Variants in RIMS1 observed in about 807,000 individuals in gnomAD.
The protein encoded by RIMS1 is regulating synaptic membrane exocytosis 1, also known as regulating synaptic membrane exocytosis protein 1.
In RIMS1, 83 loss-of-function variants were observed where a neutral mutation model predicts 214.1. The observed-to-expected ratio is 0.39, with a 90% CI of 0.32 to 0.47. The LOEUF (loss-of-function observed/expected upper bound fraction) is 0.47, where lower values mean the gene tolerates loss of function less well. Ranked by LOEUF, RIMS1 falls within the 20% of genes least tolerant of loss-of-function variation. The probability of loss-of-function intolerance (pLI) is 0.99; values close to 1 mark genes in which losing one functional copy is unlikely to be tolerated. For missense variants in RIMS1, 2,050 were observed against 2,161.8 expected, an observed-to-expected ratio of 0.95 and a Z score of 1.03; for synonymous variants, 793 against 786.8, an observed-to-expected ratio of 1.01 and a Z score of -0.13.
intron 4 of RIMS1, among the ~76,000 whole-genome samples, chr6:72,163,887 G>A (rs528075150): frequency 7.2e-5 from 11 of 152,228 alleles, no homozygotes; most frequent in South Asian, 2.1e-4. Context: ...CTCCAGCTGC[G>A]TGCTGGGAGA....
chr6:71,958,074 TA>T (rs1272327220), intron 1 of RIMS1, among the ~76,000 whole-genome samples: 1 of 152,124 alleles, frequency 6.6e-6, no homozygotes, highest in African/African-American at 2.4e-5. Context: ...TCAAATGAGT[TA>T]ATGCATATAA....
At chr6:72,199,338 A>C (rs752394301) in intron 6 of RIMS1, among the ~76,000 whole-genome samples, 1 of 152,098 alleles carries the variant, frequency 6.6e-6, no homozygotes, top group Admixed American at 6.6e-5. Context: ...ACTTAACTAC[A>C]TTTTTCTCTG....
At chr6:72,093,228 A>ATATATATATATATATATATATATAT (rs200655727) in intron 2 of RIMS1, among the ~76,000 whole-genome samples, 2,845 of 136,286 alleles carry the variant, frequency 0.021, 184 homozygotes, top group Non-Finnish European at 0.027. Context: ...ATATATATAT[A>ATATATATATATATATATATATATAT]AAAACATGTG....
chr6:72,171,824 ACT>A (rs2047076004), intron 4 of RIMS1, among the ~76,000 whole-genome samples: 2 of 152,108 alleles, frequency 1.3e-5, no homozygotes, highest in African/African-American at 2.4e-5. Context: ...TAGTTCCCTA[ACT>A]CTTGTTATAC....
chr6:72,337,796 T>C (rs1227623226), intron 29 of RIMS1, among the ~76,000 whole-genome samples: 2 of 140,036 alleles, frequency 1.4e-5, no homozygotes, highest in Admixed American at 7.8e-5. Context: ...TTTGTCCACG[T>C]GTTCTCATTG....
At chr6:72,320,314 G>A (rs1449421746) in intron 28 of RIMS1, among the ~76,000 whole-genome samples, 1 of 152,114 alleles carries the variant, frequency 6.6e-6, no homozygotes, top group East Asian at 1.9e-4. Context: ...TAGACTGCAG[G>A]ACTTCAGCAA....
At chr6:72,186,435 C>T (rs1190283016) in intron 6 of RIMS1, among the ~76,000 whole-genome samples, 9 of 152,134 alleles carry the variant, frequency 5.9e-5, no homozygotes, top group Admixed American at 1.3e-4. Flanking sequence ...GCCTGGTGCT[C>T]GAGAATGATT....
chr6:72,173,532 A>T (rs987973682), intron 4 of RIMS1, among the ~76,000 whole-genome samples: 1 of 151,626 alleles, frequency 6.6e-6, no homozygotes, highest in Non-Finnish European at 1.5e-5. Context: ...TTTTTCATAC[A>T]TCCTTTCTTT....
intron 6 of RIMS1, among the ~76,000 whole-genome samples, chr6:72,200,857 T>TTGTGTGTGTGTGTGTGTGTG (rs70994114): frequency 6.8e-6 from 1 of 146,156 alleles, no homozygotes; most frequent in Non-Finnish European, 1.5e-5. Context: ...AAGGACACAA[T>TTGTGTGTGTGTGTGTGTGTG]TGTGTGTGTG....
intron 1 of RIMS1, among the ~76,000 whole-genome samples, chr6:71,925,018 T>C (rs957706919): frequency 6.6e-6 from 1 of 152,148 alleles, no homozygotes; most frequent in South Asian, 2.1e-4. Context: ...TAGTACCTAG[T>C]AGGTGGTGAA....
intron 2 of RIMS1, among the ~76,000 whole-genome samples, chr6:71,983,793 C>A (rs1044393978): frequency 1.1e-4 from 16 of 152,128 alleles, no homozygotes; most frequent in Admixed American, 1.3e-4. Context: ...ATTTTAAGTA[C>A]AAATATGAAG....
chr6:72,110,040 T>G (rs1275770808), intron 4 of RIMS1, among the ~76,000 whole-genome samples: 1 of 152,176 alleles, frequency 6.6e-6, no homozygotes, highest in African/African-American at 2.4e-5. Flanking sequence ...CTGAGGGCTC[T>G]GTTCTGTTCC....
intron 1 of RIMS1, among the ~76,000 whole-genome samples, chr6:71,944,651 T>C (rs1049304116): frequency 3.9e-5 from 6 of 152,172 alleles, no homozygotes; most frequent in African/African-American, 1.4e-4. Flanking sequence ...CTGGAGAATT[T>C]TTATGAAAAA....
At chr6:72,036,612 A>G (rs1819686401) in intron 2 of RIMS1, among the ~76,000 whole-genome samples, 1 of 152,184 alleles carries the variant, frequency 6.6e-6, no homozygotes, top group Non-Finnish European at 1.5e-5. Context: ...ATTTTCACTT[A>G]ATAACTGAGC....
intron 29 of RIMS1, among the ~76,000 whole-genome samples, chr6:72,361,360 C>T (rs1273620678): frequency 6.6e-6 from 1 of 151,904 alleles, no homozygotes; most frequent in East Asian, 1.9e-4. Context: ...CCCGCCTCGG[C>T]CTCCCAAAGT....
intron 1 of RIMS1, among the ~76,000 whole-genome samples, chr6:71,911,602 C>A (rs938136695): frequency 6.6e-6 from 1 of 152,112 alleles, no homozygotes; most frequent in African/African-American, 2.4e-5. Context: ...TGAAGTATTT[C>A]TCTTTTCTCC....
At chr6:72,214,577 A>G (rs1409809261) in intron 6 of RIMS1, among the ~76,000 whole-genome samples, 3 of 152,194 alleles carry the variant, frequency 2.0e-5, no homozygotes, top group Admixed American at 6.5e-5. Context: ...CCCATACTGG[A>G]TAATAAACAA....
chr6:72,068,431 G>A (rs1829827933), intron 2 of RIMS1, among the ~76,000 whole-genome samples: 1 of 152,116 alleles, frequency 6.6e-6, no homozygotes, highest in South Asian at 2.1e-4. Flanking sequence ...ACTAATTGCA[G>A]GTCTGCTCAG....
intron 27 of RIMS1, among the ~76,000 whole-genome samples, chr6:72,311,878 G>A (rs2095530138): frequency 6.6e-6 from 1 of 152,108 alleles, no homozygotes; most frequent in Non-Finnish European, 1.5e-5. Flanking sequence ...GGCTGAGGCA[G>A]GAGAATTGCT....
Sources: gnomAD v4.1 joint callset for allele counts (sites outside exome capture counted in the v4.1 genomes callset) on GRCh38, gnomAD v4.1.1 for gene constraint, MANE v1.5 for transcripts, NCBI Gene and HGNC (gene_info 2026-07-23, HGNC 2026-07-21) for gene names.